UBE2E2: variants seen among roughly 807,000 people sequenced by gnomAD.
UBE2E2 encodes ubiquitin conjugating enzyme E2 E2.
Under a neutral mutation model 24.7 loss-of-function variants are expected in UBE2E2, and 6 were observed. The ratio of observed to expected loss-of-function variants is 0.24; its 90% confidence interval spans 0.13 to 0.48. The LOEUF (loss-of-function observed/expected upper bound fraction) is 0.48. Ranked by LOEUF, UBE2E2 falls within the 20% of genes least tolerant of loss-of-function variation. UBE2E2 has a pLI of 0.99. For missense variants in UBE2E2, 169 were observed against 245.0 expected (o/e 0.69, Z 2.07); for synonymous variants, 104 against 83.6 (o/e 1.24, Z -1.33).
intron 3 of UBE2E2, among the ~76,000 whole-genome samples, chr3:23,276,414 A>G (rs1575526326): frequency 6.6e-6 from 1 of 152,288 alleles, no homozygotes; most frequent in East Asian, 1.9e-4. Flanking sequence ...TATATAAACT[A>G]AGGAGGGGTT....
intron 3 of UBE2E2, among the ~76,000 whole-genome samples, chr3:23,370,979 A>G (rs564085339): frequency 1.7e-4 from 26 of 152,348 alleles, no homozygotes; most frequent in Admixed American, 9.1e-4. Context: ...CTGAGTAACT[A>G]ACATTTTAAT....
At chr3:23,408,187 A>G (rs532183997) in intron 3 of UBE2E2, among the ~76,000 whole-genome samples, 2 of 152,282 alleles carry the variant, frequency 1.3e-5, no homozygotes, top group South Asian at 4.1e-4. Context: ...TTTAGAAAAG[A>G]ATAAGTTCAC....
intron 5 of UBE2E2, among the ~76,000 whole-genome samples, chr3:23,571,351 A>C (rs1201135203): frequency 2.3e-5 from 3 of 128,836 alleles, no homozygotes; most frequent in South Asian, 2.6e-4. Context: ...ATGCAGTGGC[A>C]CAATCTCAGC....
At chr3:23,295,378 T>C (rs1466119718) in intron 3 of UBE2E2, among the ~76,000 whole-genome samples, 1 of 152,194 alleles carries the variant, frequency 6.6e-6, no homozygotes, top group Non-Finnish European at 1.5e-5. Flanking sequence ...TAATGCTATG[T>C]TTCTCTGTGT....
intron 3 of UBE2E2, among the ~76,000 whole-genome samples, chr3:23,412,865 C>G (rs1697525630): frequency 6.6e-6 from 1 of 152,138 alleles, no homozygotes; most frequent in African/African-American, 2.4e-5. Flanking sequence ...ACAAGCCTTC[C>G]TGGTGAATCT....
chr3:23,410,535 G>GTT (rs1302974038), intron 3 of UBE2E2, among the ~76,000 whole-genome samples: 2 of 152,122 alleles, frequency 1.3e-5, no homozygotes, highest in African/African-American at 4.8e-5. Flanking sequence ...TTTATTATGA[G>GTT]GATTAGGGTT....
intron 3 of UBE2E2, among the ~76,000 whole-genome samples, chr3:23,292,830 T>C (rs1253438218): frequency 6.6e-6 from 1 of 152,126 alleles, no homozygotes; most frequent in African/African-American, 2.4e-5. Context: ...TCCCAGCACT[T>C]TGGGAGGCTG....
At chr3:23,304,530 C>G (rs555955853) in intron 3 of UBE2E2, among the ~76,000 whole-genome samples, 102 of 152,214 alleles carry the variant, frequency 6.7e-4, no homozygotes, top group South Asian at 1.7e-3. Context: ...TTTTGCCAGT[C>G]TCTTAATGTC....
intron 5 of UBE2E2, among the ~76,000 whole-genome samples, chr3:23,542,899 C>T (rs1695425144): frequency 6.6e-6 from 1 of 152,160 alleles, no homozygotes; most frequent in Non-Finnish European, 1.5e-5. Flanking sequence ...CTTAGCATTT[C>T]CCTATGCATA....
intron 3 of UBE2E2, among the ~76,000 whole-genome samples, chr3:23,360,970 G>T (rs1353999815): frequency 9.4e-5 from 14 of 148,850 alleles, no homozygotes; most frequent in Non-Finnish European, 7.4e-5. Flanking sequence ...CACAAGGAAT[G>T]CAAACAAATC....
chr3:23,461,401 T>A (rs1698802247), intron 3 of UBE2E2, among the ~76,000 whole-genome samples: 2 of 152,158 alleles, frequency 1.3e-5, no homozygotes, highest in Non-Finnish European at 2.9e-5. Flanking sequence ...GAGTATCAGG[T>A]CTTAGAGCTG....
chr3:23,457,966 C>T (rs1336953238), intron 3 of UBE2E2, among the ~76,000 whole-genome samples: 1 of 152,166 alleles, frequency 6.6e-6, no homozygotes, highest in East Asian at 1.9e-4. Context: ...AGCAATAAAG[C>T]TCTTTCACTT....
chr3:23,205,175 A>G (rs1194317822), intron 1 of UBE2E2, among the ~76,000 whole-genome samples: 2 of 152,176 alleles, frequency 1.3e-5, no homozygotes, highest in Non-Finnish European at 2.9e-5. Context: ...TACTTATTTT[A>G]TGGTTAAAAA....
At chr3:23,417,494 T>C (rs1025487540) in intron 3 of UBE2E2, among the ~76,000 whole-genome samples, 1 of 152,162 alleles carries the variant, frequency 6.6e-6, no homozygotes, top group Non-Finnish European at 1.5e-5. Flanking sequence ...CAACCACTGC[T>C]AGGAGGTGTC....
chr3:23,548,940 A>G (rs959023514), intron 5 of UBE2E2, among the ~76,000 whole-genome samples: 8 of 152,182 alleles, frequency 5.3e-5, no homozygotes, highest in Non-Finnish European at 1.0e-4. Flanking sequence ...GAATGGCCCC[A>G]TCAGCTCTCA....
intron 3 of UBE2E2, among the ~76,000 whole-genome samples, chr3:23,287,765 GTC>G (rs1172101284): frequency 1.4e-5 from 2 of 142,866 alleles, no homozygotes; most frequent in Admixed American, 1.4e-4. Context: ...TGGTTGTAAT[GTC>G]TCTCTCTTTT....
intron 3 of UBE2E2, among the ~76,000 whole-genome samples, chr3:23,262,633 T>C (rs1697934758): frequency 6.6e-6 from 1 of 152,020 alleles, no homozygotes; most frequent in African/African-American, 2.4e-5. Context: ...TATTGAGTTA[T>C]ATAAGCTGCT....
chr3:23,515,227 CAGTT>C (rs1694703638), intron 4 of UBE2E2, among the ~76,000 whole-genome samples: 1 of 151,726 alleles, frequency 6.6e-6, no homozygotes, highest in Admixed American at 6.6e-5. Context: ...AAGCTGTTAA[CAGTT>C]GGTGAGTCTG....
chr3:23,534,161 G>A (rs1426454228), intron 5 of UBE2E2: 3 of 815,180 alleles, frequency 3.7e-6, no homozygotes, highest in African/African-American at 2.5e-5. Context: ...AGGTGATTTC[G>A]AAGCCTGGCC....
Sources: gnomAD v4.1 joint callset for allele counts (sites outside exome capture counted in the v4.1 genomes callset) on GRCh38, gnomAD v4.1.1 for gene constraint, MANE v1.5 for transcripts, NCBI Gene and HGNC (gene_info 2026-07-23, HGNC 2026-07-21) for gene names.